ARMH3: variants seen among roughly 807,000 people sequenced by gnomAD.
The protein encoded by ARMH3 is armadillo-like helical domain-containing protein 3.
ARMH3 carries 60 observed loss-of-function variants against 99.1 expected under a neutral mutation model. The ratio of observed to expected loss-of-function variants is 0.61; its 90% CI spans 0.49 to 0.75. The LOEUF is 0.75. Among genes scored for constraint, ARMH3 ranks in the 30% least tolerant of loss-of-function variants. ARMH3 has a pLI of 0.00. For synonymous variants in ARMH3, 285 were observed against 292.8 expected (o/e 0.97, Z 0.27); for missense variants, 679 against 843.1 (o/e 0.81, Z 2.41).
intron 1 of ARMH3, among the ~76,000 whole-genome samples, chr10:102,045,669 A>G (rs2067531640): frequency 1.3e-5 from 2 of 152,194 alleles, no homozygotes. Context: ...TTTTTAATAT[A>G]TAAGAAGAAT....
chr10:101,964,833 C>T (rs1329584039), intron 20 of ARMH3, among the ~76,000 whole-genome samples: 1 of 150,816 alleles, frequency 6.6e-6, no homozygotes, highest in East Asian at 1.9e-4. Context: ...CATGGTGAAA[C>T]CCCGTCTTTA....
intron 15 of ARMH3, among the ~76,000 whole-genome samples, chr10:102,001,457 C>T (rs2066359055): frequency 6.6e-6 from 1 of 152,168 alleles, no homozygotes; most frequent in African/African-American, 2.4e-5. Flanking sequence ...CAAACTTTTC[C>T]AACACTCAAT....
rs748678341 is a variant in ARMH3 at position 101,847,504 on chromosome 10, G to A, written c.*24C>T. ...TGATCCTCATGGGTAAGGGCAGTCA[G>A]AGGCTGCTCAGGTAGGCGTGGCCTC... On this transcript the variant is annotated 3_prime_UTR_variant, in exon 26 of 26. Transcript: ENST00000370033. The A allele has an allele frequency of 2.1e-5, 33 of 1,608,042 alleles. No homozygotes were observed. The highest frequency in any genetic ancestry group is 1.6e-4 in the Middle Eastern group (1 of 6,076).
intron 1 of ARMH3, among the ~76,000 whole-genome samples, chr10:102,049,523 T>C (rs1040505354): frequency 1.3e-5 from 2 of 150,580 alleles, no homozygotes; most frequent in African/African-American, 4.9e-5. Context: ...GCCTGGGGGA[T>C]AGAGCGAGAC....
chr10:102,006,201 CA>C (rs1421874588), intron 14 of ARMH3, among the ~76,000 whole-genome samples: 1 of 152,322 alleles, frequency 6.6e-6, no homozygotes, highest in South Asian at 2.1e-4. Flanking sequence ...CACAAGGTGA[CA>C]TTTTTCACAA....
At chr10:102,006,444 A>G in intron 14 of ARMH3, 96 bp downstream of exon 14, 1 of 1,370,988 alleles carries the variant, frequency 7.3e-7, no homozygotes, top group Non-Finnish European at 1.0e-6. Context: ...GGGAAAAATT[A>G]ACAACTACGT....
intron 22 of ARMH3, among the ~76,000 whole-genome samples, chr10:101,955,367 T>C (rs1844983284): frequency 6.6e-6 from 1 of 152,202 alleles, no homozygotes; most frequent in African/African-American, 2.4e-5. Context: ...TCCTACTCTT[T>C]AAGATGGTTT....
intron 8 of ARMH3, among the ~76,000 whole-genome samples, chr10:102,019,398 TAA>T (rs916626447): frequency 6.9e-6 from 1 of 145,464 alleles, no homozygotes; most frequent in Admixed American, 6.9e-5. Flanking sequence ...TCTACTTATT[TAA>T]AAAAAAAAAA....
intron 14 of ARMH3, among the ~76,000 whole-genome samples, chr10:102,004,002 C>T (rs1590167959): frequency 6.6e-6 from 1 of 152,136 alleles, no homozygotes; most frequent in East Asian, 1.9e-4. Context: ...CAAGGAGGCA[C>T]CTAACTGGTA....
At chr10:101,850,961 G>A (rs1030706041) in intron 24 of ARMH3, among the ~76,000 whole-genome samples, 16 of 152,110 alleles carry the variant, frequency 1.1e-4, no homozygotes, top group African/African-American at 3.9e-4. Context: ...TCCTTCTCCC[G>A]TTCTGGGAAC....
intron 20 of ARMH3, among the ~76,000 whole-genome samples, chr10:101,959,645 G>A (rs1161632474): frequency 6.6e-6 from 1 of 152,174 alleles, no homozygotes; most frequent in African/African-American, 2.4e-5. Context: ...TGATCTCTGG[G>A]ATTCAGAATC....
At chr10:101,968,188 A>T (rs1416921490) in intron 20 of ARMH3, among the ~76,000 whole-genome samples, 3 of 152,156 alleles carry the variant, frequency 2.0e-5, no homozygotes, top group Non-Finnish European at 4.4e-5. Flanking sequence ...GACTTTGGGA[A>T]ATGTAGGGTC....
chr10:102,049,665 C>G (rs1440442694), intron 1 of ARMH3, among the ~76,000 whole-genome samples: 1 of 150,826 alleles, frequency 6.6e-6, no homozygotes, highest in African/African-American at 2.4e-5. Flanking sequence ...CAGGGATCCT[C>G]TGACCTCAGC....
intron 23 of ARMH3, among the ~76,000 whole-genome samples, chr10:101,906,635 T>C (rs1245760540): frequency 3.3e-5 from 5 of 152,218 alleles, no homozygotes; most frequent in Admixed American, 6.5e-5. Flanking sequence ...ATTTCTACTT[T>C]AGGCAACTAA....
chr10:101,895,607 A>G (rs1462909186), intron 23 of ARMH3, among the ~76,000 whole-genome samples: 1 of 152,148 alleles, frequency 6.6e-6, no homozygotes, highest in Non-Finnish European at 1.5e-5. Context: ...CTTAAAAGTA[A>G]ATCTTCATGA....
chr10:101,960,889 CAAAAAAAAA>C (rs36000408), intron 20 of ARMH3, among the ~76,000 whole-genome samples: 2 of 74,582 alleles, frequency 2.7e-5, no homozygotes, highest in African/African-American at 1.3e-4. Flanking sequence ...AACTCCGTCT[CAAAAAAAAA>C]AAAAAAAAAA....
At chr10:102,000,629 G>T (rs191141069) in intron 15 of ARMH3, among the ~76,000 whole-genome samples, 2 of 113,342 alleles carry the variant, frequency 1.8e-5, no homozygotes, top group African/African-American at 3.1e-5. Flanking sequence ...TATTATCCAG[G>T]TATAATGGTG....
chr10:101,879,861 G>A (rs1465787411), intron 24 of ARMH3, among the ~76,000 whole-genome samples: 1 of 152,148 alleles, frequency 6.6e-6, no homozygotes, highest in African/African-American at 2.4e-5. Flanking sequence ...ACCCTCGCAT[G>A]TGGGCCTTCT....
rs190675816 is a variant in ARMH3 at position 102,045,420 on chromosome 10, G to T, written c.-11-5295C>A. 3.9e-3 allele frequency among the ~76,000 whole-genome samples: 596 copies of T among 152,256 alleles called. 7 individuals are homozygous for T. Among genetic ancestry groups the T allele is most frequent in the Admixed American group, 0.029 (443 of 15,278 alleles). On this transcript the variant is annotated intron_variant, in intron 1 of 25. Coordinates refer to ENST00000370033, the MANE Select transcript of ARMH3 (RefSeq NM_024541.3). The stretch of plus-strand genomic sequence containing the variant: ...ACTCTCAACTGAGAGATTAAAGTAG[G>T]CCTCTTTGAGGAAATGGCACTTGGG...
Sources: allele counts gnomAD v4.1 joint callset (sites outside exome capture counted in the v4.1 genomes callset), GRCh38; gene constraint gnomAD v4.1.1; transcripts MANE v1.5; gene names NCBI Gene and HGNC (gene_info 2026-07-23, HGNC 2026-07-21).